UST: variants seen among roughly 807,000 people sequenced by gnomAD.
UST encodes uronyl 2-sulfotransferase.
A neutral mutation model predicts 45.6 loss-of-function variants in UST; 21 were observed. That is an observed-to-expected ratio of 0.46 (90% CI 0.33 to 0.66). The LOEUF is 0.66. Ranked by LOEUF, UST falls within the 30% of genes least tolerant of loss-of-function variation. The pLI is 0.02. For missense variants in UST, 463 were observed against 512.4 expected (o/e 0.90, Z 0.93); for synonymous variants, 215 against 200.6 (o/e 1.07, Z -0.61).
At chr6:148,861,464 AT>A (rs930511394) in intron 1 of UST, among the ~76,000 whole-genome samples, 4 of 151,870 alleles carry the variant, frequency 2.6e-5, no homozygotes, top group African/African-American at 9.7e-5. Context: ...GGATTCATTG[AT>A]TTTTTTAAGG....
chr6:148,913,423 C>CGTTTTTT (rs1779515060), intron 2 of UST, among the ~76,000 whole-genome samples: 1 of 79,880 alleles, frequency 1.3e-5, no homozygotes, highest in Non-Finnish European at 2.3e-5. Context: ...GACCAAAAAT[C>CGTTTTTT]TTTTTTTTTT....
At chr6:148,878,248 C>A (rs1179979832) in intron 1 of UST, among the ~76,000 whole-genome samples, 1 of 90,906 alleles carries the variant, frequency 1.1e-5, no homozygotes, top group African/African-American at 4.8e-5. Context: ...GTGCGGAGAT[C>A]GTGTATGAGT....
At chr6:148,796,890 C>A (rs1370078280) in intron 1 of UST, among the ~76,000 whole-genome samples, 3 of 144,734 alleles carry the variant, frequency 2.1e-5, no homozygotes, top group African/African-American at 7.6e-5. Context: ...GCAACCTCTG[C>A]CTCCCCAGTT....
chr6:148,998,322 C>T (rs543505162), intron 5 of UST, among the ~76,000 whole-genome samples: 18 of 152,240 alleles, frequency 1.2e-4, no homozygotes, highest in Non-Finnish European at 1.9e-4. Context: ...ACTGTGGAGA[C>T]GTGGACTATG....
intron 2 of UST, among the ~76,000 whole-genome samples, chr6:148,917,428 TAA>T (rs10555386): frequency 0.028 from 4,290 of 152,294 alleles, 210 homozygotes; most frequent in African/African-American, 0.098. Context: ...TAACTGTATA[TAA>T]AGAGACCGTC....
Position 149,064,800 on chromosome 6 carries a change from G to A in UST, c.938-9033G>A, listed in dbSNP as rs534346658. On this transcript the variant is annotated intron_variant, in intron 7 of 7. Transcript: ENST00000367463. ...TCTTTCACGGGGGCAGTCACACTTG[G>A]CTCCAGAAGAATGTAGCCGCCCTTT... Among the ~76,000 whole-genome samples the A allele has an allele frequency of 5.9e-5, 9 of 152,162 alleles. No homozygotes were observed. The South Asian group carries it at 1.9e-3, about 32-fold the overall frequency.
intron 2 of UST, among the ~76,000 whole-genome samples, chr6:148,913,465 A>T (rs1779518187): frequency 7.6e-6 from 1 of 132,010 alleles, no homozygotes; most frequent in African/African-American, 3.0e-5. Flanking sequence ...TGGAATGACC[A>T]AGGAACCAGT....
At chr6:148,757,537 T>A (rs1156293877) in intron 1 of UST, among the ~76,000 whole-genome samples, 3 of 152,226 alleles carry the variant, frequency 2.0e-5, no homozygotes, top group Non-Finnish European at 4.4e-5. Context: ...ACGACCATAC[T>A]GTAAAATTAG....
At chr6:148,776,287 A>G (rs1035995135) in intron 1 of UST, among the ~76,000 whole-genome samples, 2 of 152,182 alleles carry the variant, frequency 1.3e-5, no homozygotes, top group Non-Finnish European at 2.9e-5. Flanking sequence ...CCCTTAGTGG[A>G]TCTTCTTCCA....
intron 2 of UST, among the ~76,000 whole-genome samples, chr6:148,908,136 T>G (rs978036256): frequency 6.6e-6 from 1 of 152,192 alleles, no homozygotes; most frequent in African/African-American, 2.4e-5. Flanking sequence ...CTCAAACTCC[T>G]GACCAGGGTC....
chr6:148,859,069 T>A (rs1054736989), intron 1 of UST, among the ~76,000 whole-genome samples: 5 of 152,310 alleles, frequency 3.3e-5, no homozygotes, highest in Non-Finnish European at 7.4e-5. Context: ...TTGAGGAATC[T>A]CCACACTGTC....
At chr6:149,007,281 G>A (rs1441375752) in intron 5 of UST, among the ~76,000 whole-genome samples, 12 of 140,066 alleles carry the variant, frequency 8.6e-5, no homozygotes, top group Non-Finnish European at 1.7e-4. Context: ...CACCACACCC[G>A]ACCAATTTTT....
chr6:148,993,904 G>T (rs964043844), intron 5 of UST, among the ~76,000 whole-genome samples: 1 of 150,006 alleles, frequency 6.7e-6, no homozygotes, highest in African/African-American at 2.5e-5. Context: ...AGATCACTGG[G>T]TCAGTTAAAC....
intron 2 of UST, among the ~76,000 whole-genome samples, chr6:148,893,289 G>A (rs1327062515): frequency 6.6e-6 from 1 of 152,216 alleles, no homozygotes; most frequent in Non-Finnish European, 1.5e-5. Flanking sequence ...ATGAGAAGTA[G>A]TAATATGAAC....
intron 5 of UST, among the ~76,000 whole-genome samples, chr6:149,001,093 A>G (rs1017784996): frequency 2.1e-5 from 3 of 144,468 alleles, no homozygotes; most frequent in African/African-American, 7.6e-5. Flanking sequence ...TTTTTTTGAG[A>G]CAGAGTCTTG....
intron 7 of UST, among the ~76,000 whole-genome samples, chr6:149,067,356 T>G (rs1413074427): frequency 6.6e-6 from 1 of 152,206 alleles, no homozygotes; most frequent in African/African-American, 2.4e-5. Flanking sequence ...TCATCCAGGA[T>G]GTACTGGTCT....
chr6:148,866,217 T>C (rs747827610), intron 1 of UST, among the ~76,000 whole-genome samples: 9 of 151,964 alleles, frequency 5.9e-5, no homozygotes, highest in Non-Finnish European at 1.2e-4. Context: ...TAACATAGTT[T>C]AGAAAACCTA....
intron 1 of UST, among the ~76,000 whole-genome samples, chr6:148,852,491 T>G (rs1009769246): frequency 2.0e-5 from 3 of 152,216 alleles, no homozygotes; most frequent in African/African-American, 7.2e-5. Context: ...CTGGAGATTT[T>G]ACTGAAATAT....
At chr6:148,763,395 A>T (rs889916789) in intron 1 of UST, among the ~76,000 whole-genome samples, 2 of 152,078 alleles carry the variant, frequency 1.3e-5, no homozygotes, top group African/African-American at 4.8e-5. Flanking sequence ...TTCCTTGTAT[A>T]GATTCTGGAT....
Sources: allele counts gnomAD v4.1 joint callset (sites outside exome capture counted in the v4.1 genomes callset), GRCh38; gene constraint gnomAD v4.1.1; transcripts MANE v1.5; gene names NCBI Gene and HGNC (gene_info 2026-07-23, HGNC 2026-07-21).